Variants in MICAL1 observed in about 807,000 individuals in gnomAD.
The protein encoded by MICAL1 is [F-actin]-monooxygenase MICAL1.
A neutral mutation model predicts 131.8 loss-of-function variants in MICAL1; 95 were observed. The observed-to-expected ratio is 0.72, with a 90% CI of 0.61 to 0.86. The LOEUF (loss-of-function observed/expected upper bound fraction) is 0.86, where lower values mean the gene tolerates loss of function less well. Among genes scored for constraint, MICAL1 ranks in the 40% least tolerant of loss-of-function variants. MICAL1 has a pLI of 0.00. For missense variants in MICAL1, 1,292 were observed against 1,380.6 expected (o/e 0.94, Z 1.02); for synonymous variants, 546 against 554.2 (o/e 0.99, Z 0.21).
At chr6:109,444,830 T>C in intron 23 of MICAL1, 32 bp from the exon 24 acceptor site, 1 of 1,614,148 alleles carries the variant, frequency 6.2e-7, no homozygotes, top group Non-Finnish European at 8.5e-7. Context: ...GAAGCAGAGC[T>C]GTCTAAGGTG....
Position 109,445,399 on chromosome 6 carries a change from G to C in MICAL1, c.2787+17C>G, listed in dbSNP as rs376801358. The C allele has an allele frequency of 6.2e-7, 1 of 1,613,806 alleles. No individual in the cohort carries two copies. The highest frequency in any genetic ancestry group is 8.5e-7 in the Non-Finnish European group (1 of 1,179,918). ...AACTTTGACCCCATCAGAATTTTGG[G>C]AACCCCCGGGCTTCACCTGGGCCTT... On this transcript the variant is annotated intron_variant, in intron 21 of 24. Transcript: ENST00000358807.
At chr6:109,450,641 G>T in intron 7 of MICAL1, 84 bp from the exon 8 acceptor site, 1 of 1,451,200 alleles carries the variant, frequency 6.9e-7, no homozygotes, top group Non-Finnish European at 9.2e-7. Flanking sequence ...CGCAGAAGGT[G>T]CACATCCTGG....
chr6:109,451,651 A>G lies in MICAL1; in HGVS notation c.882T>C (p.Phe294=), dbSNP rs758001343. The G allele has an allele frequency of 5.0e-6, 8 of 1,613,874 alleles. No homozygotes were observed. The highest frequency in any genetic ancestry group is 5.9e-6 in the Non-Finnish European group (7 of 1,179,950). Residue 294 remains phenylalanine (F), a synonymous_variant, in exon 7 of 25, where the codon TTT becomes TTC. Coordinates refer to ENST00000358807, the MANE Select transcript of MICAL1 (RefSeq NM_022765.4). The stretch of plus-strand genomic sequence containing the variant: ...GGCACTGCTTCTTGGCTGTCATCAC[A>G]AAGTAGTGGGTGTCGTCCTTGTAGT... ...IVYYKDDTHY[F]VMTAKKQCLL...
Position 109,446,310 on chromosome 6 carries a change from G to A in MICAL1, c.2407C>T (p.Arg803Cys), listed in dbSNP as rs749814764. 3.0e-5 allele frequency: 48 copies of A among 1,614,062 alleles called. 2 individuals are homozygous for A. In the South Asian group the frequency reaches 3.3e-4, roughly 11 times the overall value. Residue 803 changes from arginine to cysteine, a missense_variant, in exon 19 of 25, where the codon CGT becomes TGT. By Grantham distance (180) the Arg-to-Cys change is radical. Coordinates refer to ENST00000358807, the MANE Select transcript of MICAL1 (RefSeq NM_022765.4). ...GGGCTGGAGAGGCGGATCTGCCGAC[G>A]GGTGGGCTGGCTGGGATCTGGAACA... ...GPVPDPSQPTRRQIRLSSPER... is the reference protein window; with the variant it reads ...GPVPDPSQPTCRQIRLSSPER...
intron 7 of MICAL1, among the ~76,000 whole-genome samples, chr6:109,451,194 C>A (rs1168871735): frequency 1.3e-5 from 2 of 149,720 alleles, no homozygotes; most frequent in African/African-American, 4.9e-5. Flanking sequence ...CACTTTGTTG[C>A]CGAGGCTGGA....
rs144377569 is a variant in MICAL1, at chr6:109,450,390, C to A, written c.1101G>T (p.Thr367=). The A allele has an allele frequency of 3.4e-5, 55 of 1,613,350 alleles. No homozygotes were observed. Among genetic ancestry groups the A allele is most frequent in the Non-Finnish European group, 4.7e-5 (55 of 1,179,866 alleles). Residue 367 remains threonine, a synonymous_variant, in exon 8 of 25, where the codon ACG becomes ACT. Transcript: ENST00000358807. ...GQPDVSAFDF[T]SMMRAESSAR... The stretch of plus-strand genomic sequence containing the variant: ...CAGAACTCTCTGCCCGCATCATGCT[C>A]GTGAAGTCAAAGGCAGAGACATCAG...
At chr6:109,460,943 C>G (rs964786158) in intron 1 of MICAL1, among the ~76,000 whole-genome samples, 1 of 152,170 alleles carries the variant, frequency 6.6e-6, no homozygotes, top group Non-Finnish European at 1.5e-5. Flanking sequence ...TTTCATCCAA[C>G]TGGCAAATTT....
At position 109,451,876 on chromosome 6, in the gene MICAL1, A is replaced by G. The variant is rs565763876; in HGVS notation, c.833-176T>C. On this transcript the variant is annotated intron_variant, in intron 6 of 24. Coordinates refer to ENST00000358807, the MANE Select transcript of MICAL1 (RefSeq NM_022765.4). ...ACAAACAACCATCTGTCCCAGGCCC[A>G]GGAGGCCTGAGGACTTAGAGCAAAG... The G allele has an allele frequency of 5.3e-5, 74 of 1,404,316 alleles. No individual in the cohort carries two copies. In the South Asian group the frequency reaches 1.1e-3, roughly 20 times the overall value. 87.0% of individuals were successfully genotyped at this position (1,404,316 alleles called of 1,614,324 possible).
Position 109,448,825 on chromosome 6 carries a change from C to G in MICAL1, c.1571G>C (p.Gly524Ala). 6.2e-7 allele frequency: 1 copy of G among 1,614,030 alleles called. No individual in the cohort carries two copies. Among genetic ancestry groups the G allele is most frequent in the South Asian group, 1.1e-5 (1 of 91,086 alleles). ...ATCGGAGACGTGGACTCCCGGGTAC[C>G]CAGCTGTCTGCTCCTGGCACCAGCG... ...LLRWCQEQTA[G>A]YPGVHVSDLS... Residue 524 changes from glycine (G) to alanine (A), a missense_variant, in exon 12 of 25, where the codon GGG (glycine) becomes GCG (alanine). Coordinates refer to ENST00000358807, the MANE Select transcript of MICAL1 (RefSeq NM_022765.4).
rs200799831 is a variant in MICAL1 at position 109,444,933 on chromosome 6, T to G, written c.2944A>C (p.Asn982His). 1.7e-5 allele frequency: 28 copies of G among 1,614,156 alleles called. No individual in the cohort carries two copies. In the African/African-American group the frequency reaches 3.5e-4, roughly 20 times the overall value. ...TCGGCCTCCTCAGCCACCAGGCTGT[T>G]TTTCTTGTCAACGAGCTGTAGCAGC... is the stretch of plus-strand genomic sequence containing the variant. ...GQLLQLVDKKNSLVAEEAELM... is the reference protein window; with the variant it reads ...GQLLQLVDKKHSLVAEEAELM... The change falls in exon 23 of 25, where the codon AAC (asparagine) becomes CAC (histidine). Residue 982 changes from asparagine to histidine, a missense_variant. Physicochemically the swap from Asn to His is moderately conservative, Grantham distance 68. Coordinates refer to ENST00000358807, the MANE Select transcript of MICAL1 (RefSeq NM_022765.4).
At chr6:109,465,815 G>T (rs774771168) in exon 1 of MICAL1, 26 of 1,614,156 alleles carry the variant, frequency 1.6e-5, no homozygotes, top group Middle Eastern at 1.6e-4. Flanking sequence ...TGGCTTATAA[G>T]AAGAGCCCAA....
intron 1 of MICAL1, chr6:109,465,437 A>AT: frequency 1.8e-6 from 1 of 569,408 alleles, no homozygotes; most frequent in Non-Finnish European, 3.1e-6. Flanking sequence ...AAAATAGAAC[A>AT]AACCATTCTG....
chr6:109,453,866 G>A, intron 2 of MICAL1, 21 bp from the exon 3 acceptor site: 1 of 1,612,048 alleles, frequency 6.2e-7, no homozygotes, highest in Non-Finnish European at 8.5e-7. Context: ...ACAGGGCAGT[G>A]AGGGCATGGC....
upstream of MICAL1, among the ~76,000 whole-genome samples, chr6:109,458,950 G>C (rs1775827016): frequency 6.6e-6 from 1 of 152,216 alleles, no homozygotes; most frequent in Admixed American, 6.5e-5. Context: ...GAGAGGATGT[G>C]ACAACATGGT....
In MICAL1 at chr6:109,450,356, G is replaced by A. The variant is rs1181988347; in HGVS notation, c.1135C>T (p.Gln379Ter). The A allele has an allele frequency of 6.2e-7, 1 of 1,611,452 alleles. No individual in the cohort carries two copies. The highest frequency in any genetic ancestry group is 1.7e-5 in the Admixed American group (1 of 60,000). Residue 379 changes from glutamine (Q) to a stop codon, truncating the protein, a stop_gained, in exon 8 of 25, where the codon CAA (glutamine) becomes TAA (stop). Coordinates refer to ENST00000358807, the MANE Select transcript of MICAL1 (RefSeq NM_022765.4). LOFTEE classifies it high-confidence loss of function. ...MMRAESSARV[Q>*]EKHGARLLLG... Reference sequence around the variant, plus strand: ...AGCAGGCGGGCGCCATGCTTCTCTTGCACACGAGCAGAACTCTCTGCCCGC... The same window carrying A: ...AGCAGGCGGGCGCCATGCTTCTCTTACACACGAGCAGAACTCTCTGCCCGC...
chr6:109,453,272 G>C lies in MICAL1; in HGVS notation c.562C>G (p.Pro188Ala). Reference sequence around the variant, plus strand: ...GCATAGAAATACTTACCCTTCCTAGGAGGGGGCTGGAGGCCAGTGAAAGTG... The same window carrying C: ...GCATAGAAATACTTACCCTTCCTAGCAGGGGGCTGGAGGCCAGTGAAAGTG... ...GVTFTGLQPP[P>A]RKGSGWRAQL... The change falls in exon 4 of 25, where the codon CCT (proline) becomes GCT (alanine). Residue 188 changes from proline (P) to alanine (A), a missense_variant. Coordinates refer to ENST00000358807, the MANE Select transcript of MICAL1 (RefSeq NM_022765.4). 6.2e-7 allele frequency: 1 copy of C among 1,613,562 alleles called. No individual in the cohort carries two copies. The highest frequency in any genetic ancestry group is 8.5e-7 in the Non-Finnish European group (1 of 1,179,550).
Position 109,450,572 on chromosome 6 carries a change from GAGC to G in MICAL1, c.934-18_934-16del. ...TCTGGCCAGTCCTGTATGGTCAACAGAGCAGAACCTCAGAGACCTCTGAGAGCA... is the reference window on the plus strand; with the variant it reads ...TCTGGCCAGTCCTGTATGGTCAACAGAGAACCTCAGAGACCTCTGAGAGCA... On this transcript the variant is annotated splice_polypyrimidine_tract_variant and intron_variant, in intron 7 of 24. Coordinates refer to ENST00000358807, the MANE Select transcript of MICAL1 (RefSeq NM_022765.4). 1 of 1,589,724 alleles carries G rather than the reference GAGC, an allele frequency of 6.3e-7. No individual in the cohort carries two copies. The highest frequency in any genetic ancestry group is 8.6e-7 in the Non-Finnish European group (1 of 1,161,918).
rs1414508449 is a variant in MICAL1 at position 109,445,789 on chromosome 6, C to T, written c.2655G>A (p.Leu885=). The T allele has an allele frequency of 6.2e-7, 1 of 1,611,664 alleles. No homozygotes were observed. The highest frequency in any genetic ancestry group is 1.1e-5 in the South Asian group (1 of 90,458). ...SSEEEEEDVP[L]DSDVEQALQT... ...CACTCACCTGTTCCACATCTGAGTCCAAAGGCACATCTTCTTCTTCCTCTT... is the reference window on the plus strand; with the variant it reads ...CACTCACCTGTTCCACATCTGAGTCTAAAGGCACATCTTCTTCTTCCTCTT... The change falls in exon 20 of 25, where the codon TTG becomes TTA. Residue 885 remains leucine, a synonymous_variant. Transcript: ENST00000358807.
Position 109,450,481 on chromosome 6 carries a change from G to A in MICAL1, c.1010C>T (p.Ala337Val). ...CTTGCCATGGGTGGCAAAGTCAGCA[G>A]CTGCCCGGGTAAAGCGCTGCAGAGC... is the stretch of plus-strand genomic sequence containing the variant. The part of the protein sequence containing the change: ...PEALQRFTRA[A>V]ADFATHGKLG... Residue 337 changes from alanine to valine, a missense_variant, in exon 8 of 25, where the codon GCT becomes GTT. Coordinates refer to ENST00000358807, the MANE Select transcript of MICAL1 (RefSeq NM_022765.4). 1 of 1,613,400 alleles carries A rather than the reference G, an allele frequency of 6.2e-7. No homozygotes were observed. The highest frequency in any genetic ancestry group is 8.5e-7 in the Non-Finnish European group (1 of 1,180,016).
Sources: gnomAD v4.1 joint callset for allele counts (sites outside exome capture counted in the v4.1 genomes callset) on GRCh38, gnomAD v4.1.1 for gene constraint, MANE v1.5 for transcripts, NCBI Gene and HGNC (gene_info 2026-07-23, HGNC 2026-07-21) for gene names.